ADGRV1: variants seen among roughly 807,000 people sequenced by gnomAD.
ADGRV1 encodes G-protein coupled receptor 98.
In ADGRV1, 359 loss-of-function variants were observed where a neutral mutation model predicts 596.2. The ratio of observed to expected loss-of-function variants is 0.60; its 90% CI spans 0.55 to 0.66. The LOEUF is 0.66. Among genes scored for constraint, ADGRV1 ranks in the 30% least tolerant of loss-of-function variants. ADGRV1 has a pLI of 0.00. For synonymous variants in ADGRV1, 2,681 were observed against 2,679.2 expected (o/e 1.00, Z -0.02); for missense variants, 7,274 against 7,575.6 (o/e 0.96, Z 1.48).
At chr5:90,644,560 A>G (rs1767455025) in intron 14 of ADGRV1, 146 bp from the exon 15 acceptor site, 2 of 614,734 alleles carry the variant, frequency 3.3e-6, no homozygotes, top group South Asian at 4.5e-5. Context: ...TTTTATATGT[A>G]CCTTAAAAAC....
At chr5:91,022,371 A>G (rs1346089938) in intron 85 of ADGRV1, among the ~76,000 whole-genome samples, 2 of 152,020 alleles carry the variant, frequency 1.3e-5, no homozygotes, top group Admixed American at 1.3e-4. Context: ...TGGAGCCCAA[A>G]TGGTGAGACC....
intron 83 of ADGRV1, among the ~76,000 whole-genome samples, chr5:90,923,340 A>G (rs2150750170): frequency 6.6e-6 from 1 of 152,238 alleles, no homozygotes; most frequent in Admixed American, 6.5e-5. Context: ...AATTTTTAAT[A>G]TGTACTATAA....
intron 83 of ADGRV1, among the ~76,000 whole-genome samples, chr5:90,922,802 G>C (rs1774003694): frequency 6.6e-6 from 1 of 152,140 alleles, no homozygotes; most frequent in Non-Finnish European, 1.5e-5. Flanking sequence ...CATACGATCT[G>C]GTACGGCTGG....
At chr5:90,999,667 T>C (rs566498707) in intron 85 of ADGRV1, among the ~76,000 whole-genome samples, 1 of 152,220 alleles carries the variant, frequency 6.6e-6, no homozygotes, top group Non-Finnish European at 1.5e-5. Flanking sequence ...CCTTTTGTTG[T>C]CAGAAGCTCT....
Position 91,071,157 on chromosome 5 carries a change from T to C in ADGRV1, c.18153-1290T>C, listed in dbSNP as rs1788358397. Among the ~76,000 whole-genome samples the C allele has an allele frequency of 2.0e-5, 3 of 151,142 alleles. No homozygotes were observed. The South Asian group carries it at 6.3e-4, about 32-fold the overall frequency. ...AGAAAGGGAGAGAAGGGAGAGGGGG[T>C]GGAGGGGAGAGAGCAGGTAGCTTGG... is the stretch of plus-strand genomic sequence containing the variant. On this transcript the variant is annotated intron_variant, in intron 85 of 89. Transcript: ENST00000405460.
intron 21 of ADGRV1, among the ~76,000 whole-genome samples, chr5:90,668,082 C>A (rs1380389941): frequency 1.3e-5 from 2 of 151,782 alleles, no homozygotes; most frequent in Non-Finnish European, 2.9e-5. Context: ...TGCCCTGCCC[C>A]CAGAGGTGGA....
At chr5:90,801,013 T>C (rs1157096269) in intron 70 of ADGRV1, among the ~76,000 whole-genome samples, 1 of 152,086 alleles carries the variant, frequency 6.6e-6, no homozygotes, top group African/African-American at 2.4e-5. Context: ...GGCATATGTA[T>C]ACCTATGTAA....
rs906250598 is a variant in ADGRV1, at chr5:90,698,422, G to A, written c.8155+1276G>A. On this transcript the variant is annotated intron_variant, in intron 34 of 89. Coordinates refer to ENST00000405460, the MANE Select transcript of ADGRV1 (RefSeq NM_032119.4). The stretch of plus-strand genomic sequence containing the variant: ...ACTAAATAGCAACAATTATTCAGTG[G>A]TAGTGCTTATGCCCAGCTGTGTCAA... 2.6e-5 allele frequency among the ~76,000 whole-genome samples: 4 copies of A among 152,266 alleles called. No homozygotes were observed. In the South Asian group the frequency reaches 8.3e-4, roughly 32 times the overall value.
intron 24 of ADGRV1, 99 bp downstream of exon 24, chr5:90,675,544 C>A: frequency 8.5e-7 from 1 of 1,179,418 alleles, no homozygotes. Context: ...CATAGTGACT[C>A]ACGCCTGTAA....
rs1755536782 is a variant in ADGRV1 at position 90,753,844 on chromosome 5, A to G, written c.11377+15A>G. The G allele has an allele frequency of 1.3e-6, 2 of 1,559,880 alleles. No individual in the cohort carries two copies. Among genetic ancestry groups the G allele is most frequent in the East Asian group, 4.7e-5 (2 of 42,608 alleles). ...AGAGCCTAAAGGTAAATATTGTTAAATATCTTTCAAGTTTTAATGAGAAGC... is the reference window on the plus strand; with the variant it reads ...AGAGCCTAAAGGTAAATATTGTTAAGTATCTTTCAAGTTTTAATGAGAAGC... On this transcript the variant is annotated intron_variant, in intron 54 of 89. Transcript: ENST00000405460.
At chr5:90,770,722 A>G (rs1757602099) in intron 59 of ADGRV1, among the ~76,000 whole-genome samples, 1 of 152,218 alleles carries the variant, frequency 6.6e-6, no homozygotes, top group South Asian at 2.1e-4. Context: ...ACAAAAACAA[A>G]AAAACCTCAG....
intron 83 of ADGRV1, among the ~76,000 whole-genome samples, chr5:90,942,669 C>A (rs763247226): frequency 8.5e-5 from 13 of 152,088 alleles, no homozygotes; most frequent in Non-Finnish European, 1.3e-4. Context: ...TAAGAGGAAG[C>A]CATTATTTAC....
chr5:91,103,863 G>A (rs1457793588), intron 87 of ADGRV1, among the ~76,000 whole-genome samples: 3 of 152,250 alleles, frequency 2.0e-5, no homozygotes, highest in East Asian at 1.9e-4. Context: ...GTTAGCCAAG[G>A]CTGCAAGAAG....
At chr5:91,099,091 A>G (rs1356353171) in intron 86 of ADGRV1, among the ~76,000 whole-genome samples, 2 of 152,152 alleles carry the variant, frequency 1.3e-5, no homozygotes, top group East Asian at 1.9e-4. Flanking sequence ...ATCTTAATGT[A>G]TATTTTCTTG....
Position 90,698,738 on chromosome 5 carries a change from G to A in ADGRV1, c.8155+1592G>A, listed in dbSNP as rs371069722. ...CAGAGGAAAAAAAAGCAAATTATCG[G>A]AATGGAACCATGAAGAACATCAGAC... On this transcript the variant is annotated intron_variant, in intron 34 of 89. Transcript: ENST00000405460. 4.4e-4 allele frequency among the ~76,000 whole-genome samples: 66 copies of A among 150,870 alleles called. 1 individual carries two copies. The South Asian group carries it at 0.014, about 31-fold the overall frequency.
chr5:90,932,611 A>C (rs146661168), intron 83 of ADGRV1, among the ~76,000 whole-genome samples: 1,923 of 152,328 alleles, frequency 0.013, 45 homozygotes, highest in African/African-American at 0.044. Flanking sequence ...TTAAAATAGT[A>C]ATATTCTCCC....
intron 76 of ADGRV1, among the ~76,000 whole-genome samples, chr5:90,824,766 A>T (rs185524492): frequency 6.6e-6 from 1 of 152,318 alleles, no homozygotes; most frequent in Non-Finnish European, 1.5e-5. Context: ...TATCAGTTAA[A>T]CAGTTGACTT....
At chr5:91,149,739 A>G (rs1369998499) in intron 87 of ADGRV1, among the ~76,000 whole-genome samples, 1 of 148,298 alleles carries the variant, frequency 6.7e-6, no homozygotes, top group Non-Finnish European at 1.5e-5. Flanking sequence ...AGACTGAGGC[A>G]GGAGAATCAC....
At position 90,829,143 on chromosome 5, in the gene ADGRV1, A is replaced by T. The variant is rs1764314722; in HGVS notation, c.16568A>T (p.Asp5523Val). 5.0e-6 allele frequency: 8 copies of T among 1,600,712 alleles called. No homozygotes were observed. The highest frequency in any genetic ancestry group is 4.0e-5 in the African/African-American group (3 of 74,870). Reference sequence around the variant, plus strand: ...TTAATCAGTCTGCAGGTGGCCAGAGATTCTGGGACAGGACTAATGATGTCT... The same window carrying T: ...TTAATCAGTCTGCAGGTGGCCAGAGTTTCTGGGACAGGACTAATGATGTCT... ...ATLISLQVAR[D>V]SGTGLMMSVN... Residue 5523 changes from aspartate to valine, a missense_variant, in exon 77 of 90, where the codon GAT becomes GTT. Asp to Val is a radical substitution (Grantham distance 152). Transcript: ENST00000405460.
Sources: allele counts gnomAD v4.1 joint callset (sites outside exome capture counted in the v4.1 genomes callset), GRCh38; gene constraint gnomAD v4.1.1; transcripts MANE v1.5; gene names NCBI Gene and HGNC (gene_info 2026-07-23, HGNC 2026-07-21).